TCERG1: variants seen among roughly 807,000 people sequenced by gnomAD.
TCERG1 encodes TATA box binding protein (TBP)-associated factor, RNA polymerase II, S, 150kD.
A neutral mutation model predicts 144.7 loss-of-function variants in TCERG1; 37 were observed. The observed-to-expected ratio is 0.26, with a 90% CI of 0.20 to 0.34. The LOEUF (loss-of-function observed/expected upper bound fraction) is 0.34, where lower values mean the gene tolerates loss of function less well. TCERG1 is among the 10% of genes least tolerant of loss of function. The probability of loss-of-function intolerance (pLI) is 1.00; values close to 1 mark genes in which losing one functional copy is unlikely to be tolerated. For synonymous variants in TCERG1, 492 were observed against 458.2 expected (o/e 1.07, Z -0.94); for missense variants, 1,027 against 1,380.7 (o/e 0.74, Z 4.06).
intron 1 of TCERG1, among the ~76,000 whole-genome samples, chr5:146,449,275 T>C (rs1311849167): frequency 6.6e-6 from 1 of 152,238 alleles, no homozygotes; most frequent in Non-Finnish European, 1.5e-5. Flanking sequence ...ACTTCACTTA[T>C]TGGGCCGACA....
chr5:146,452,503 A>G (rs1266345676), intron 1 of TCERG1, among the ~76,000 whole-genome samples: 1 of 152,222 alleles, frequency 6.6e-6, no homozygotes. Context: ...CCTACTATGT[A>G]CAGATCTATG....
At chr5:146,468,173 C>T (rs544398242) in intron 5 of TCERG1, among the ~76,000 whole-genome samples, 168 bp from the exon 6 acceptor site, 1 of 152,252 alleles carries the variant, frequency 6.6e-6, no homozygotes, top group Non-Finnish European at 1.5e-5. Context: ...TTGGATTTGG[C>T]AGCACTTCCC....
At chr5:146,453,773 A>T (rs1039743085) in intron 1 of TCERG1, among the ~76,000 whole-genome samples, 2 of 139,062 alleles carry the variant, frequency 1.4e-5, no homozygotes, top group African/African-American at 5.3e-5. Flanking sequence ...CCCTGTCTCT[A>T]AAAAAAAAAA....
intron 12 of TCERG1, among the ~76,000 whole-genome samples, 171 bp from the exon 13 acceptor site, chr5:146,480,975 TTAAA>T (rs1312345110): frequency 6.8e-6 from 1 of 147,810 alleles, no homozygotes; most frequent in African/African-American, 2.5e-5. Flanking sequence ...TGCTTTTTTT[TTAAA>T]AAAAAAAAAC....
chr5:146,458,842 T>A (rs745992005), intron 3 of TCERG1, 42 bp from the exon 4 acceptor site: 1 of 1,558,340 alleles, frequency 6.4e-7, no homozygotes, highest in East Asian at 2.3e-5. Flanking sequence ...TAATAATAAC[T>A]GACAGATTTT....
intron 18 of TCERG1, 83 bp from the exon 19 acceptor site, chr5:146,503,741 T>C: frequency 6.7e-7 from 1 of 1,487,770 alleles, no homozygotes; most frequent in Non-Finnish European, 9.0e-7. Flanking sequence ...ATTTGGAATT[T>C]TTTATTTGGC....
In TCERG1 at chr5:146,454,825, T is replaced by A. The variant is rs1458811276; in HGVS notation, c.60-231T>A. ...GTTGTCGAGGTTGGTCTCAAACTCC[T>A]GACCTCAGGTGATCCACCTGCCTTG... On this transcript the variant is annotated intron_variant, in intron 1 of 22. Transcript: ENST00000679501. Among the ~76,000 whole-genome samples the A allele has an allele frequency of 2.0e-5, 3 of 152,174 alleles. No individual in the cohort carries two copies. The East Asian group carries it at 5.8e-4, about 29-fold the overall frequency.
chr5:146,497,114 C>G (rs751962884), intron 16 of TCERG1, among the ~76,000 whole-genome samples: 26 of 152,034 alleles, frequency 1.7e-4, no homozygotes, highest in Non-Finnish European at 3.4e-4. Context: ...TCAACTGATC[C>G]ACCTGCCTTG....
chr5:146,496,966 TG>T (rs376037956), intron 16 of TCERG1, among the ~76,000 whole-genome samples: 114 of 145,082 alleles, frequency 7.9e-4, no homozygotes, highest in African/African-American at 2.9e-3. Context: ...CTCTGCCTCC[TG>T]GGTTTTTCTC....
intron 15 of TCERG1, among the ~76,000 whole-genome samples, chr5:146,484,162 A>G (rs1296962333): frequency 6.6e-6 from 1 of 152,180 alleles, no homozygotes; most frequent in Admixed American, 6.5e-5. Flanking sequence ...ACACAACTGC[A>G]TATACAAAGT....
chr5:146,470,291 A>G (rs965838196), intron 7 of TCERG1, among the ~76,000 whole-genome samples: 1 of 152,162 alleles, frequency 6.6e-6, no homozygotes, highest in African/African-American at 2.4e-5. Flanking sequence ...GGTATGTGTC[A>G]TTGTGCCCAG....
rs764389191 is a variant in TCERG1 at position 146,447,377 on chromosome 5, G to A, written c.28G>A (p.Glu10Lys). The A allele has an allele frequency of 6.2e-7, 1 of 1,611,506 alleles. No individual in the cohort carries two copies. The highest frequency in any genetic ancestry group is 2.2e-5 in the East Asian group (1 of 44,688). MAERGGDGG[E>K]SERFNPGELR... ...GGCGGAGCGTGGCGGGGACGGGGGCGAGAGTGAACGATTCAACCCGGGGGA... is the reference window on the plus strand; with the variant it reads ...GGCGGAGCGTGGCGGGGACGGGGGCAAGAGTGAACGATTCAACCCGGGGGA... Residue 10 changes from glutamate to lysine, a missense_variant, in exon 1 of 23, where the codon GAG becomes AAG. By Grantham distance (56) the Glu-to-Lys change is moderately conservative. Coordinates refer to ENST00000679501, the MANE Select transcript of TCERG1 (RefSeq NM_001382548.1).
At position 146,510,953 on chromosome 5, in the gene TCERG1, C is replaced by T. The variant is rs1183037100; in HGVS notation, c.*311C>T. Reference sequence around the variant, plus strand: ...GACGTTCTTCCTAGCAGTGTTAATACATGCAAGAAGTAAGAGCATTTGTGG... The same window carrying T: ...GACGTTCTTCCTAGCAGTGTTAATATATGCAAGAAGTAAGAGCATTTGTGG... On this transcript the variant is annotated 3_prime_UTR_variant, in exon 23 of 23. Transcript: ENST00000679501. The T allele has an allele frequency of 5.3e-6, 1 of 190,010 alleles. No individual in the cohort carries two copies. Among genetic ancestry groups the T allele is most frequent in the Non-Finnish European group, 1.1e-5 (1 of 93,364 alleles). The allele number at this position is 190,010 out of a possible 1,614,324, so 11.8% of individuals were successfully genotyped here.
At chr5:146,509,055 A>G in intron 21 of TCERG1, 90 bp from the exon 22 acceptor site, 1 of 642,222 alleles carries the variant, frequency 1.6e-6, no homozygotes. Context: ...TATGTGACTT[A>G]CACATTACTG....
At chr5:146,469,454 T>G (rs1045897441) in intron 6 of TCERG1, 90 bp from the exon 7 acceptor site, 10 of 1,082,170 alleles carry the variant, frequency 9.2e-6, no homozygotes, top group Non-Finnish European at 1.2e-5. Flanking sequence ...TTTATTAATA[T>G]TTAATAGAAA....
At chr5:146,492,111 A>G (rs1473353338) in intron 15 of TCERG1, among the ~76,000 whole-genome samples, 1 of 152,204 alleles carries the variant, frequency 6.6e-6, no homozygotes, top group African/African-American at 2.4e-5. Context: ...GCATCTGGCA[A>G]TTTAACAACT....
At chr5:146,472,190 T>C (rs929320889) in intron 9 of TCERG1, among the ~76,000 whole-genome samples, 3 of 152,258 alleles carry the variant, frequency 2.0e-5, no homozygotes, top group African/African-American at 7.2e-5. Context: ...ACTATGCGAT[T>C]ACATTTATAG....
In TCERG1 at chr5:146,469,546, G is replaced by T; in HGVS notation, c.1201G>T (p.Val401Leu). ...ATTTTTTATTATTCTTTTTTTAGGTGTATTGCCAGGAATGGCCCCTCCTAT... is the reference window on the plus strand; with the variant it reads ...ATTTTTTATTATTCTTTTTTTAGGTTTATTGCCAGGAATGGCCCCTCCTAT... ...VKTVATTKTG[V>L]LPGMAPPIVP... Residue 401 changes from valine (V) to leucine (L), a missense_variant and splice_region_variant, in exon 7 of 23, where the codon GTA becomes TTA. Val to Leu is a conservative substitution (Grantham distance 32). Coordinates refer to ENST00000679501, the MANE Select transcript of TCERG1 (RefSeq NM_001382548.1). 2 of 1,586,346 alleles carry T rather than the reference G, an allele frequency of 1.3e-6. No homozygotes were observed. The highest frequency in any genetic ancestry group is 1.7e-6 in the Non-Finnish European group (2 of 1,170,478).
At chr5:146,482,462 T>C (rs1199118284) in intron 13 of TCERG1, 130 bp from the exon 14 acceptor site, 1 of 736,010 alleles carries the variant, frequency 1.4e-6, no homozygotes, top group Non-Finnish European at 2.1e-6. Context: ...AAACCCTCAA[T>C]ATAATTTGTT....
Sources: allele counts gnomAD v4.1 joint callset (sites outside exome capture counted in the v4.1 genomes callset), GRCh38; gene constraint gnomAD v4.1.1; transcripts MANE v1.5; gene names NCBI Gene and HGNC (gene_info 2026-07-23, HGNC 2026-07-21).